RAB38: variants seen among roughly 807,000 people sequenced by gnomAD.
The protein encoded by RAB38 is RAB38, member RAS oncogene family, also known as ras-related protein Rab-38.
In RAB38, 15 loss-of-function variants were observed where a neutral mutation model predicts 18.4. That is an observed-to-expected ratio of 0.82 (90% CI 0.55 to 1.26). RAB38 has a LOEUF of 1.26. Ranked by LOEUF, RAB38 falls within the 50% of genes most tolerant of loss-of-function variation. The pLI is 0.00. For synonymous variants in RAB38, 101 were observed against 104.4 expected, an observed-to-expected ratio of 0.97 and a Z score of 0.20; for missense variants, 294 against 267.4, an observed-to-expected ratio of 1.10 and a Z score of -0.69.
chr11:87,814,436 T>C, the RAB38 span, among the ~76,000 whole-genome samples: 1 of 152,240 alleles, frequency 6.6e-6, no homozygotes, highest in African/African-American at 2.4e-5. Flanking sequence ...TGCACTTTTA[T>C]ATGTAAATAT....
chr11:87,864,691 C>A, the RAB38 span, among the ~76,000 whole-genome samples: 1 of 151,684 alleles, frequency 6.6e-6, no homozygotes, highest in South Asian at 2.1e-4. Flanking sequence ...AATATGATAC[C>A]AGTTATTTGG....
the RAB38 span, among the ~76,000 whole-genome samples, chr11:87,970,762 C>A: frequency 1.3e-5 from 2 of 152,062 alleles, no homozygotes; most frequent in Non-Finnish European, 2.9e-5. Flanking sequence ...CTGGGACTTG[C>A]AGAGGAAGCA....
At chr11:87,949,820 A>C in the RAB38 span, among the ~76,000 whole-genome samples, 1 of 152,178 alleles carries the variant, frequency 6.6e-6, no homozygotes, top group African/African-American at 2.4e-5. Context: ...CTATGTGGTC[A>C]GTTTTGGAGT....
chr11:88,059,526 T>C, the RAB38 span, among the ~76,000 whole-genome samples: 2 of 152,240 alleles, frequency 1.3e-5, no homozygotes, highest in Admixed American at 1.3e-4. Flanking sequence ...ACAGGCCACA[T>C]GCTCCTTGTT....
chr11:88,054,616 A>T, the RAB38 span, among the ~76,000 whole-genome samples: 1 of 152,228 alleles, frequency 6.6e-6, no homozygotes, highest in Non-Finnish European at 1.5e-5. Flanking sequence ...GGAGTCAGAA[A>T]TCTCACTAGA....
the RAB38 span, among the ~76,000 whole-genome samples, chr11:88,031,801 T>C: frequency 6.6e-6 from 1 of 152,188 alleles, no homozygotes; most frequent in East Asian, 1.9e-4. Context: ...ATGGCCATAC[T>C]GCCCAAGGTA....
the RAB38 span, among the ~76,000 whole-genome samples, chr11:87,948,311 T>A: frequency 2.6e-5 from 4 of 152,192 alleles, no homozygotes; most frequent in Admixed American, 2.6e-4. Context: ...ACAATGGGGT[T>A]TTCTAGATAT....
chr11:87,839,864 A>G, the RAB38 span, among the ~76,000 whole-genome samples: 16 of 152,224 alleles, frequency 1.1e-4, no homozygotes, highest in Non-Finnish European at 2.2e-4. Flanking sequence ...ATAAGAATTA[A>G]CCTTCATTTG....
At chr11:87,875,186 A>G in the RAB38 span, among the ~76,000 whole-genome samples, 1 of 151,520 alleles carries the variant, frequency 6.6e-6, no homozygotes, top group South Asian at 2.1e-4. Context: ...AGAATAAAAA[A>G]TGATAGGTAA....
At chr11:87,875,408 C>T in the RAB38 span, among the ~76,000 whole-genome samples, 3 of 151,276 alleles carry the variant, frequency 2.0e-5, no homozygotes, top group Non-Finnish European at 4.4e-5. Context: ...AAAATATTTT[C>T]TCCATTGCAC....
chr11:87,964,660 C>T, the RAB38 span, among the ~76,000 whole-genome samples: 1 of 151,980 alleles, frequency 6.6e-6, no homozygotes, highest in Admixed American at 6.6e-5. Flanking sequence ...TACCTGCTTC[C>T]TCCTTCTGGG....
intron 2 of RAB38, among the ~76,000 whole-genome samples, chr11:88,129,165 T>C: frequency 6.6e-6 from 1 of 152,120 alleles, no homozygotes; most frequent in East Asian, 1.9e-4. Flanking sequence ...CCTGAGTACC[T>C]TAACATATAC....
downstream of RAB38, chr11:88,113,149 G>A (rs1172891852): frequency 4.0e-5 from 6 of 148,928 alleles, no homozygotes; most frequent in Admixed American, 2.0e-4. Flanking sequence ...TCTCCTCCTT[G>A]AAATAAAATT....
chr11:87,871,275 C>T, the RAB38 span, among the ~76,000 whole-genome samples: 2 of 151,538 alleles, frequency 1.3e-5, no homozygotes, highest in South Asian at 2.1e-4. Flanking sequence ...CCCAACAACC[C>T]CTCCCTACCG....
the RAB38 span, among the ~76,000 whole-genome samples, chr11:87,976,097 T>A: frequency 3.8e-3 from 566 of 149,978 alleles, 5 homozygotes; most frequent in African/African-American, 0.013. Flanking sequence ...GTCTGGTATA[T>A]GTACATATAT....
chr11:88,158,717 TC>T (rs1166743760), intron 1 of RAB38, among the ~76,000 whole-genome samples: 35 of 152,048 alleles, frequency 2.3e-4, no homozygotes, highest in African/African-American at 8.0e-4. Flanking sequence ...AAATCCAACA[TC>T]CCTTCATAAT....
At chr11:87,878,222 T>TATATATATATATATATATATATATACAC in the RAB38 span, among the ~76,000 whole-genome samples, 18 of 116,200 alleles carry the variant, frequency 1.5e-4, 1 homozygote, top group African/African-American at 8.1e-4. Context: ...TATATATATA[T>TATATATATATATATATATATATATACAC]ACACACATAT....
the RAB38 span, among the ~76,000 whole-genome samples, chr11:87,972,479 G>A: frequency 5.3e-5 from 8 of 151,796 alleles, no homozygotes; most frequent in Non-Finnish European, 8.8e-5. Context: ...TGAATGAACA[G>A]AGATAGAAAA....
the RAB38 span, among the ~76,000 whole-genome samples, chr11:87,826,032 G>A: frequency 2.6e-5 from 4 of 152,048 alleles, no homozygotes; most frequent in Non-Finnish European, 5.9e-5. Context: ...TTGGGAAATT[G>A]GGTAGTAGTG....
Sources: gnomAD v4.1 joint callset for allele counts (sites outside exome capture counted in the v4.1 genomes callset) on GRCh38, gnomAD v4.1.1 for gene constraint, MANE v1.5 for transcripts, NCBI Gene and HGNC (gene_info 2026-07-23, HGNC 2026-07-21) for gene names.